RAI1: variants seen among roughly 807,000 people sequenced by gnomAD.
RAI1 encodes retinoic acid-induced protein 1.
In RAI1, 9 loss-of-function variants were observed where a neutral mutation model predicts 123.8. The observed-to-expected ratio is 0.07, with a 90% CI of 0.04 to 0.13. The LOEUF is 0.13. RAI1 is among the 10% of genes least tolerant of loss of function. The probability of loss-of-function intolerance (pLI) is 1.00; values close to 1 mark genes in which losing one functional copy is unlikely to be tolerated. For synonymous variants in RAI1, 1,231 were observed against 1,127.3 expected, an observed-to-expected ratio of 1.09 and a Z score of -1.84; for missense variants, 2,256 against 2,545.8, an observed-to-expected ratio of 0.89 and a Z score of 2.45.
intron 2 of RAI1, among the ~76,000 whole-genome samples, chr17:17,746,068 C>T (rs2029900594): frequency 2.0e-5 from 3 of 151,886 alleles, no homozygotes; most frequent in South Asian, 4.1e-4. Flanking sequence ...ACCATTGCCC[C>T]TTTCTTGGCC....
Position 17,807,808 on chromosome 17 carries a change from C to G in RAI1, c.5660-1582C>G, listed in dbSNP as rs1017125064. 3.9e-5 allele frequency among the ~76,000 whole-genome samples: 6 copies of G among 152,306 alleles called. 1 individual carries two copies. On this transcript the variant is annotated intron_variant, in intron 4 of 5. Transcript: ENST00000353383. ...GTGTCTTTGGAATATCTAGTTCAGC[C>G]CCAGAACCACATCTGGCTTGCCTGA...
chr17:17,805,955 C>A (rs1392811923), intron 4 of RAI1, among the ~76,000 whole-genome samples: 1 of 152,234 alleles, frequency 6.6e-6, no homozygotes, highest in Non-Finnish European at 1.5e-5. Context: ...GCCTCACCCA[C>A]AGCACACAGC....
intron 1 of RAI1, among the ~76,000 whole-genome samples, chr17:17,712,801 G>T (rs941461560): frequency 6.6e-6 from 1 of 152,230 alleles, no homozygotes; most frequent in Non-Finnish European, 1.5e-5. Context: ...TAAGGACTTG[G>T]TAGTAACATG....
At chr17:17,705,072 A>G (rs764287817) in intron 1 of RAI1, among the ~76,000 whole-genome samples, 48 of 152,210 alleles carry the variant, frequency 3.2e-4, no homozygotes, top group Middle Eastern at 3.4e-3. Context: ...GGATAAACCA[A>G]CTTTTGTTGT....
chr17:17,757,148 A>C (rs1159579566), intron 2 of RAI1, among the ~76,000 whole-genome samples: 1 of 152,172 alleles, frequency 6.6e-6, no homozygotes. Flanking sequence ...TCCCTGAGGC[A>C]GGGAGACCCT....
intron 1 of RAI1, among the ~76,000 whole-genome samples, chr17:17,686,848 T>G (rs1046761516): frequency 5.3e-5 from 8 of 152,070 alleles, no homozygotes; most frequent in South Asian, 4.1e-4. Context: ...AGCCATGCCT[T>G]CCTTCGTCTG....
chr17:17,810,116 G>C lies in RAI1; in HGVS notation c.*135G>C, dbSNP rs1158937337. The C allele has an allele frequency of 7.9e-7, 1 of 1,264,614 alleles. No homozygotes were observed. Among genetic ancestry groups the C allele is most frequent in the Non-Finnish European group, 1.1e-6 (1 of 941,656 alleles). 78.3% of individuals were successfully genotyped at this position (1,264,614 alleles called of 1,614,324 possible). On this transcript the variant is annotated 3_prime_UTR_variant, in exon 6 of 6. Transcript: ENST00000353383. The surrounding 1 kb of genome is among the most constrained non-coding windows in gnomAD (Gnocchi z 4.6). Reference sequence around the variant, plus strand: ...GGTCCAGAGCCGATCCTTGATCCGGGTCCCGGATCGTGGATCCGGCCGCCT... The same window carrying C: ...GGTCCAGAGCCGATCCTTGATCCGGCTCCCGGATCGTGGATCCGGCCGCCT...
intron 2 of RAI1, among the ~76,000 whole-genome samples, chr17:17,727,448 C>A (rs2001421): frequency 2.4e-4 from 36 of 152,156 alleles, no homozygotes; most frequent in Non-Finnish European, 4.4e-4. Flanking sequence ...ACTGAGACCC[C>A]AAGCTTACCC....
Position 17,809,238 on chromosome 17 carries a change from G to A in RAI1, c.5660-152G>A, listed in dbSNP as rs2032656838. ...CGTGGAGTGGAGTGGAGTGTGGAGG[G>A]TTTTGTGCAGAATCTGATTAACTCT... On this transcript the variant is annotated intron_variant, in intron 4 of 5. Coordinates refer to ENST00000353383, the MANE Select transcript of RAI1 (RefSeq NM_030665.4). This position sits in a 1 kb window ranked among gnomAD's most constrained non-coding sequence, Gnocchi z 4.9. 4 of 778,446 alleles carry A rather than the reference G, an allele frequency of 5.1e-6. No individual in the cohort carries two copies. The highest frequency in any genetic ancestry group is 2.3e-4 in the Middle Eastern group (1 of 4,428). The allele number at this position is 778,446 out of a possible 1,614,324, so 48.2% of individuals were successfully genotyped here.
intron 2 of RAI1, among the ~76,000 whole-genome samples, chr17:17,749,391 G>C (rs2030063622): frequency 6.6e-6 from 1 of 152,266 alleles, no homozygotes; most frequent in Non-Finnish European, 1.5e-5. Context: ...CACTGCCTAG[G>C]CATCAGGCGG....
At position 17,793,905 on chromosome 17, in the gene RAI1, G is replaced by A. The variant is rs2032125916; in HGVS notation, c.957G>A (p.Gln319=). The A allele has an allele frequency of 6.2e-7, 1 of 1,613,788 alleles. No individual in the cohort carries two copies. The highest frequency in any genetic ancestry group is 8.5e-7 in the Non-Finnish European group (1 of 1,180,042). ...AKYQHYGQQG[Q]GYCQPDAAVR... ...ATCAGCACTACGGGCAGCAAGGCCAGGGCTACTGCCAGCCGGACGCAGCCG... is the reference window on the plus strand; with the variant it reads ...ATCAGCACTACGGGCAGCAAGGCCAAGGCTACTGCCAGCCGGACGCAGCCG... The change falls in exon 3 of 6, where the codon CAG becomes CAA. Residue 319 remains glutamine, a synonymous_variant. Coordinates refer to ENST00000353383, the MANE Select transcript of RAI1 (RefSeq NM_030665.4).
chr17:17,723,211 C>G (rs1407780487), intron 1 of RAI1, among the ~76,000 whole-genome samples: 1 of 152,070 alleles, frequency 6.6e-6, no homozygotes, highest in Non-Finnish European at 1.5e-5. Flanking sequence ...AGGCGCAATC[C>G]CACCCACGCA....
chr17:17,806,533 A>AGCT (rs1049997259), intron 4 of RAI1, among the ~76,000 whole-genome samples: 18 of 152,228 alleles, frequency 1.2e-4, no homozygotes, highest in African/African-American at 4.3e-4. Flanking sequence ...ATGGAGTATT[A>AGCT]GCTGCTGCTG....
chr17:17,705,100 T>C (rs1486555507), intron 1 of RAI1, among the ~76,000 whole-genome samples: 2 of 152,162 alleles, frequency 1.3e-5, no homozygotes, highest in Non-Finnish European at 2.9e-5. Context: ...CCTTGAGATT[T>C]GAGAGTTTTG....
Position 17,809,208 on chromosome 17 carries a change from C to G in RAI1, c.5660-182C>G, listed in dbSNP as rs2143006469. ...AGACTGCCAGGCCAGGGGCCGCACC[C>G]GCGCCGTGGAGTGGAGTGGAGTGTG... On this transcript the variant is annotated intron_variant, in intron 4 of 5. Transcript: ENST00000353383. The surrounding 1 kb of genome is among the most constrained non-coding windows in gnomAD (Gnocchi z 4.9). The G allele has an allele frequency of 1.4e-6, 1 of 709,572 alleles. No individual in the cohort carries two copies. Among genetic ancestry groups the G allele is most frequent in the Non-Finnish European group, 2.6e-6 (1 of 390,754 alleles). 44.0% of individuals were successfully genotyped at this position (709,572 alleles called of 1,614,324 possible). A position where few individuals can be genotyped will look rare whatever the true frequency, so the allele number is the denominator to read the frequency against.
intron 2 of RAI1, among the ~76,000 whole-genome samples, chr17:17,742,389 A>G (rs1305982838): frequency 1.3e-5 from 2 of 152,220 alleles, no homozygotes; most frequent in Non-Finnish European, 2.9e-5. Flanking sequence ...GTAGCAGGCA[A>G]GTTGCTCAGA....
intron 2 of RAI1, among the ~76,000 whole-genome samples, chr17:17,725,322 G>A (rs1283337247): frequency 6.6e-6 from 1 of 152,168 alleles, no homozygotes; most frequent in African/African-American, 2.4e-5. Context: ...GTGCTTGTGT[G>A]ACGAAGTGTT....
Position 17,800,180 on chromosome 17 carries a change from G to GTCTCTCTCTCTCTCTCTCTCTC in RAI1, c.5565+1694_5565+1715dup, listed in dbSNP as rs58147049. ...TCTCTCCTGCTTTCTGTCTCTCTCTGTCTCTCTCTCTCTCTCTCTCTCTCT... is the reference window on the plus strand; with the variant it reads ...TCTCTCCTGCTTTCTGTCTCTCTCTGTCTCTCTCTCTCTCTCTCTCTCTCTCTCTCTCTCTCTCTCTCTCTCT... On this transcript the variant is annotated intron_variant, in intron 3 of 5. Coordinates refer to ENST00000353383, the MANE Select transcript of RAI1 (RefSeq NM_030665.4). This position sits in a 1 kb window ranked among gnomAD's most constrained non-coding sequence, Gnocchi z 4.7. Among the ~76,000 whole-genome samples, 39 of 116,380 alleles carry GTCTCTCTCTCTCTCTCTCTCTC rather than the reference G, an allele frequency of 3.4e-4. 1 individual carries two copies. The highest frequency in any genetic ancestry group is 8.4e-4 in the African/African-American group (28 of 33,436). The allele number at this position is 116,380 out of a possible 152,430, so 76.3% of individuals were successfully genotyped here.
intron 1 of RAI1, among the ~76,000 whole-genome samples, chr17:17,710,352 C>T (rs1356846248): frequency 6.6e-6 from 1 of 152,216 alleles, no homozygotes; most frequent in African/African-American, 2.4e-5. Flanking sequence ...GTACCCATCC[C>T]ACCCTCCAAC....
Sources: allele counts gnomAD v4.1 joint callset (sites outside exome capture counted in the v4.1 genomes callset), GRCh38; gene constraint gnomAD v4.1.1; non-coding constraint Gnocchi (gnomAD v3.1); transcripts MANE v1.5; gene names NCBI Gene and HGNC (gene_info 2026-07-23, HGNC 2026-07-21).